MYO5A: variants seen among roughly 807,000 people sequenced by gnomAD.
The protein encoded by MYO5A is myosin VA, also known as unconventional myosin-Va.
A neutral mutation model predicts 249.7 loss-of-function variants in MYO5A; 98 were observed. The observed-to-expected ratio is 0.39, with a 90% CI of 0.33 to 0.46. MYO5A has a LOEUF of 0.46. MYO5A is among the 20% of genes least tolerant of loss of function. The pLI, the probability that MYO5A is intolerant of heterozygous loss-of-function variation, is 0.98. For missense variants in MYO5A, 1,696 were observed against 2,308.8 expected, an observed-to-expected ratio of 0.73 and a Z score of 5.44; for synonymous variants, 778 against 810.6, an observed-to-expected ratio of 0.96 and a Z score of 0.68.
chr15:52,502,238 G>A lies in MYO5A; in HGVS notation c.27+26542C>T, dbSNP rs145049680. 4.7e-4 allele frequency among the ~76,000 whole-genome samples: 72 copies of A among 152,104 alleles called. 1 individual carries two copies. The East Asian group carries it at 7.1e-3, about 15-fold the overall frequency. ...TCAGAGGTTACAGTGAGCCAAGATC[G>A]CGCCACTGCACTCCAGCCTATGCAA... is the stretch of plus-strand genomic sequence containing the variant. On this transcript the variant is annotated intron_variant, in intron 1 of 41. Transcript: ENST00000399233.
Position 52,389,262 on chromosome 15 carries a change from G to A in MYO5A, c.1644C>T (p.Phe548=). 6.2e-7 allele frequency: 1 copy of A among 1,613,464 alleles called. No homozygotes were observed. The highest frequency in any genetic ancestry group is 8.5e-7 in the Non-Finnish European group (1 of 1,179,562). The change falls in exon 13 of 42, where the codon TTC becomes TTT. Residue 548 remains phenylalanine, a synonymous_variant. Coordinates refer to ENST00000399233, the MANE Select transcript of MYO5A (RefSeq NM_001382347.1). The part of the protein sequence containing the change: ...FEKPRLSNKA[F]IIQHFADKVE... ...CTTTGTCAGCAAAATGTTGGATGAT[G>A]AAAGCTTTGTTTGATAGACGAGGCT...
At chr15:52,405,901 T>C (rs781600885) in intron 8 of MYO5A, among the ~76,000 whole-genome samples, 2 of 152,232 alleles carry the variant, frequency 1.3e-5, no homozygotes, top group Non-Finnish European at 2.9e-5. Context: ...AGCTGTTACT[T>C]CTTAAGGCTG....
chr15:52,408,229 T>C, intron 6 of MYO5A, 89 bp from the exon 7 acceptor site: 1 of 742,786 alleles, frequency 1.3e-6, no homozygotes, highest in Non-Finnish European at 2.3e-6. Context: ...TATTTAATTA[T>C]CTCAGTTGGT....
At chr15:52,427,026 C>T (rs916678152) in intron 3 of MYO5A, among the ~76,000 whole-genome samples, 2 of 152,036 alleles carry the variant, frequency 1.3e-5, no homozygotes, top group Admixed American at 1.3e-4. Flanking sequence ...TAATACAAAA[C>T]TATATATAGA....
chr15:52,379,212 C>G (rs1396079944), intron 18 of MYO5A, among the ~76,000 whole-genome samples: 1 of 152,206 alleles, frequency 6.6e-6, no homozygotes, highest in East Asian at 1.9e-4. Flanking sequence ...TTGTTCCATT[C>G]ATTCAGCATT....
intron 21 of MYO5A, among the ~76,000 whole-genome samples, chr15:52,371,836 C>T: frequency 6.6e-6 from 1 of 151,596 alleles, no homozygotes; most frequent in South Asian, 2.1e-4. Flanking sequence ...TGCCACTGAA[C>T]TCTAGCCTGG....
At chr15:52,459,634 C>T (rs967964182) in intron 1 of MYO5A, among the ~76,000 whole-genome samples, 1 of 152,236 alleles carries the variant, frequency 6.6e-6, no homozygotes, top group Non-Finnish European at 1.5e-5. Flanking sequence ...CTTTTCTATT[C>T]GACAAAACCG....
intron 12 of MYO5A, among the ~76,000 whole-genome samples, chr15:52,391,294 C>T (rs1262336503): frequency 6.6e-6 from 1 of 152,154 alleles, no homozygotes; most frequent in East Asian, 1.9e-4. Context: ...TTTTTAAAAT[C>T]TCAAGTGAGG....
intron 1 of MYO5A, among the ~76,000 whole-genome samples, chr15:52,442,117 G>A (rs920089638): frequency 2.0e-5 from 3 of 151,976 alleles, no homozygotes; most frequent in Admixed American, 6.6e-5. Context: ...TCCCACCCCC[G>A]ACAAACCCAC....
In MYO5A at chr15:52,391,924, A is replaced by G; in HGVS notation, c.1542+6T>C. ...TAAACCAAGTACCCCAGGAAATCAT[A>G]CTTACCTTGCATTCCTCATCCAGTA... On this transcript the variant is annotated splice_donor_region_variant and intron_variant, in intron 12 of 41. Coordinates refer to ENST00000399233, the MANE Select transcript of MYO5A (RefSeq NM_001382347.1). The G allele has an allele frequency of 6.2e-7, 1 of 1,611,972 alleles. No individual in the cohort carries two copies. Among genetic ancestry groups the G allele is most frequent in the South Asian group, 1.1e-5 (1 of 91,026 alleles).
intron 25 of MYO5A, among the ~76,000 whole-genome samples, chr15:52,357,811 A>C (rs1469612752): frequency 1.3e-5 from 2 of 152,154 alleles, no homozygotes; most frequent in East Asian, 3.8e-4. Flanking sequence ...TTTTTGCCTT[A>C]GTAAGGACTT....
intron 1 of MYO5A, among the ~76,000 whole-genome samples, chr15:52,465,632 G>A (rs1003197000): frequency 2.0e-5 from 3 of 152,064 alleles, no homozygotes; most frequent in African/African-American, 7.2e-5. Flanking sequence ...ACTCCAGCCT[G>A]AGCAACAGAG....
chr15:52,460,536 C>T (rs1374178866), intron 1 of MYO5A, among the ~76,000 whole-genome samples: 1 of 152,186 alleles, frequency 6.6e-6, no homozygotes, highest in Non-Finnish European at 1.5e-5. Context: ...ATCCCAGGCA[C>T]TCGGCAGGCT....
At chr15:52,354,408 A>G (rs1462565061) in intron 25 of MYO5A, among the ~76,000 whole-genome samples, 1 of 152,236 alleles carries the variant, frequency 6.6e-6, no homozygotes, top group Non-Finnish European at 1.5e-5. Context: ...AAATACTTAC[A>G]CAAGTATATA....
At chr15:52,398,780 G>A (rs2042601104) in intron 9 of MYO5A, among the ~76,000 whole-genome samples, 1 of 152,176 alleles carries the variant, frequency 6.6e-6, no homozygotes, top group Admixed American at 6.5e-5. Context: ...CCTGAGGTTA[G>A]GAGTTTGAGA....
intron 1 of MYO5A, among the ~76,000 whole-genome samples, chr15:52,471,375 G>A (rs1413700462): frequency 6.6e-6 from 1 of 152,136 alleles, no homozygotes; most frequent in Non-Finnish European, 1.5e-5. Flanking sequence ...AGACCAAGGT[G>A]GGAGGATCGC....
At chr15:52,450,229 C>A (rs533927092) in intron 1 of MYO5A, among the ~76,000 whole-genome samples, 1 of 152,024 alleles carries the variant, frequency 6.6e-6, no homozygotes, top group East Asian at 1.9e-4. Flanking sequence ...GTATTGCCTA[C>A]AATGAGGGTA....
At chr15:52,359,157 C>T (rs998776384) in intron 25 of MYO5A, among the ~76,000 whole-genome samples, 4 of 152,196 alleles carry the variant, frequency 2.6e-5, no homozygotes, top group African/African-American at 9.6e-5. Context: ...GCAGAAACTT[C>T]ATTCTTAAGT....
intron 1 of MYO5A, among the ~76,000 whole-genome samples, chr15:52,506,039 C>T (rs1473329166): frequency 1.3e-5 from 2 of 151,782 alleles, no homozygotes; most frequent in African/African-American, 4.8e-5. Context: ...TATGGCAAAA[C>T]CCTCTCTCTA....
Sources: gnomAD v4.1 joint callset for allele counts (sites outside exome capture counted in the v4.1 genomes callset) on GRCh38, gnomAD v4.1.1 for gene constraint, MANE v1.5 for transcripts, NCBI Gene and HGNC (gene_info 2026-07-23, HGNC 2026-07-21) for gene names.